The following KCNIP4 variants were observed in gnomAD, a reference collection of about 807,000 sequenced individuals.
KCNIP4 encodes potassium voltage-gated channel interacting protein 4.
Under a neutral mutation model 34.0 loss-of-function variants are expected in KCNIP4, and 12 were observed. The ratio of observed to expected loss-of-function variants is 0.35; its 90% CI spans 0.23 to 0.57. The LOEUF is 0.57. Ranked by LOEUF, KCNIP4 falls within the 20% of genes least tolerant of loss-of-function variation. The pLI is 0.83. For synonymous variants in KCNIP4, 124 were observed against 102.2 expected, an observed-to-expected ratio of 1.21 and a Z score of -1.29; for missense variants, 238 against 311.7, an observed-to-expected ratio of 0.76 and a Z score of 1.78.
rs573587345 is a variant in KCNIP4 at position 21,602,230 on chromosome 4, A to G, written c.61+346341T>C. ...ACCCCAAACAGCATTGATCACATCT[A>G]GGTTTGCCTTGCTCCATGTCTCATT... On this transcript the variant is annotated intron_variant, in intron 1 of 8. Coordinates refer to ENST00000382152, the MANE Select transcript of KCNIP4 (RefSeq NM_025221.6). Among the ~76,000 whole-genome samples, 125 of 152,216 alleles carry G rather than the reference A, an allele frequency of 8.2e-4. 1 individual carries two copies. The highest frequency in any genetic ancestry group is 3.4e-3 in the Middle Eastern group (1 of 294).
chr4:21,636,040 C>G (rs1399092388), intron 1 of KCNIP4, among the ~76,000 whole-genome samples: 1 of 148,120 alleles, frequency 6.8e-6, no homozygotes, highest in Non-Finnish European at 1.5e-5. Context: ...ATCACAAGAA[C>G]AAAAAACCAA....
At chr4:21,795,532 T>G (rs1444707787) in intron 1 of KCNIP4, among the ~76,000 whole-genome samples, 1 of 152,084 alleles carries the variant, frequency 6.6e-6, no homozygotes, top group Non-Finnish European at 1.5e-5. Flanking sequence ...AACAAATAGG[T>G]CACCAAGGAT....
At position 21,554,780 on chromosome 4, in the gene KCNIP4, C is replaced by A. The variant is rs193089800; in HGVS notation, c.61+393791G>T. Among the ~76,000 whole-genome samples, 428 of 152,216 alleles carry A rather than the reference C, an allele frequency of 2.8e-3. 1 individual carries two copies. Among genetic ancestry groups the A allele is most frequent in the Non-Finnish European group, 5.2e-3 (354 of 68,024 alleles). ...GCCTACTTTCTCCTATCATTACCAT[C>A]TGTTTACAAGCCTTCCTCCTTTTCT... On this transcript the variant is annotated intron_variant, in intron 1 of 8. Transcript: ENST00000382152.
At chr4:21,601,912 G>GT (rs1560551976) in intron 1 of KCNIP4, among the ~76,000 whole-genome samples, 1 of 152,048 alleles carries the variant, frequency 6.6e-6, no homozygotes, top group Non-Finnish European at 1.5e-5. Flanking sequence ...AACGCTAAGT[G>GT]TCCTCCCCAT....
intron 3 of KCNIP4, among the ~76,000 whole-genome samples, chr4:20,817,360 T>G (rs1190638341): frequency 6.6e-6 from 1 of 152,194 alleles, no homozygotes; most frequent in Non-Finnish European, 1.5e-5. Context: ...CCTTTTCAGT[T>G]GCTGGTTGGC....
At chr4:21,056,904 G>A (rs984432859) in intron 1 of KCNIP4, among the ~76,000 whole-genome samples, 1 of 152,138 alleles carries the variant, frequency 6.6e-6, no homozygotes, top group African/African-American at 2.4e-5. Flanking sequence ...TCCCTTATGA[G>A]AAGAGAACAG....
intron 3 of KCNIP4, among the ~76,000 whole-genome samples, chr4:20,802,959 C>T (rs1222023990): frequency 1.3e-5 from 2 of 151,448 alleles, no homozygotes; most frequent in Admixed American, 6.6e-5. Flanking sequence ...CCTGTAGTCC[C>T]AGCTGCTCAG....
chr4:21,711,175 A>G (rs952662514), intron 1 of KCNIP4, among the ~76,000 whole-genome samples: 9 of 152,118 alleles, frequency 5.9e-5, no homozygotes, highest in African/African-American at 2.2e-4. Flanking sequence ...AAAAGATGCT[A>G]TAAGAAAAAG....
At chr4:20,843,637 G>A (rs992697859) in intron 3 of KCNIP4, among the ~76,000 whole-genome samples, 2 of 152,176 alleles carry the variant, frequency 1.3e-5, no homozygotes, top group East Asian at 3.9e-4. Context: ...GGCTGAGGCA[G>A]AAGAGTCCCT....
intron 1 of KCNIP4, among the ~76,000 whole-genome samples, chr4:21,821,327 A>G (rs748920862): frequency 3.3e-5 from 5 of 152,114 alleles, no homozygotes; most frequent in Non-Finnish European, 5.9e-5. Flanking sequence ...TGTAGGTGCC[A>G]TTGAGGCCCA....
intron 1 of KCNIP4, among the ~76,000 whole-genome samples, chr4:21,376,205 TA>T (rs1185671023): frequency 6.6e-6 from 1 of 152,194 alleles, no homozygotes; most frequent in East Asian, 1.9e-4. Flanking sequence ...AAAAGGAATT[TA>T]AAAAGATAAC....
intron 1 of KCNIP4, among the ~76,000 whole-genome samples, chr4:21,268,360 C>T (rs928129879): frequency 6.6e-6 from 1 of 152,190 alleles, no homozygotes; most frequent in Admixed American, 6.5e-5. Context: ...AACTGAAGCA[C>T]AGAGGCCTTT....
chr4:20,933,820 C>T (rs1051795453), intron 1 of KCNIP4, among the ~76,000 whole-genome samples: 1 of 151,996 alleles, frequency 6.6e-6, no homozygotes, highest in Non-Finnish European at 1.5e-5. Context: ...GGTGGCTACC[C>T]GTTCTGGTTT....
chr4:21,581,075 T>C (rs1741166347), intron 1 of KCNIP4, among the ~76,000 whole-genome samples: 1 of 152,090 alleles, frequency 6.6e-6, no homozygotes, highest in South Asian at 2.1e-4. Context: ...ACATTAAGTA[T>C]AGCCTTGCAA....
Position 21,212,925 on chromosome 4 carries a change from A to T in KCNIP4, c.62-330216T>A, listed in dbSNP as rs532871090. Among the ~76,000 whole-genome samples the T allele has an allele frequency of 1.1e-3, 158 of 149,692 alleles. 3 individuals are homozygous for T. Among genetic ancestry groups the T allele is most frequent in the South Asian group, 7.5e-3 (36 of 4,800 alleles). On this transcript the variant is annotated intron_variant, in intron 1 of 8. Coordinates refer to ENST00000382152, the MANE Select transcript of KCNIP4 (RefSeq NM_025221.6). ...TAAGGCATAGATATGCATATAGCACATAAACAAATATACAGTATACATGGG... is the reference window on the plus strand; with the variant it reads ...TAAGGCATAGATATGCATATAGCACTTAAACAAATATACAGTATACATGGG...
At chr4:21,377,920 T>A (rs1467055109) in intron 1 of KCNIP4, among the ~76,000 whole-genome samples, 1 of 152,206 alleles carries the variant, frequency 6.6e-6, no homozygotes, top group Non-Finnish European at 1.5e-5. Context: ...TCGAGGTTGA[T>A]CAGGTGGTGT....
chr4:21,681,836 G>A (rs574427365), intron 1 of KCNIP4, among the ~76,000 whole-genome samples: 3 of 152,034 alleles, frequency 2.0e-5, no homozygotes, highest in Non-Finnish European at 4.4e-5. Context: ...CAGAGCAAAA[G>A]CAGAAGTAAG....
At chr4:21,845,687 C>T (rs1204479160) in intron 1 of KCNIP4, 1 of 152,016 alleles carries the variant, frequency 6.6e-6, no homozygotes, top group South Asian at 2.1e-4. Context: ...AAACTTAACC[C>T]TTTCGATTCG....
intron 1 of KCNIP4, chr4:21,582,273 C>G (rs1182952763): frequency 6.6e-6 from 1 of 151,926 alleles, no homozygotes; most frequent in African/African-American, 2.4e-5. Context: ...AACATTAATG[C>G]TCTGCTACTC....
Sources: gnomAD v4.1 joint callset for allele counts (sites outside exome capture counted in the v4.1 genomes callset) on GRCh38, gnomAD v4.1.1 for gene constraint, MANE v1.5 for transcripts, NCBI Gene and HGNC (gene_info 2026-07-23, HGNC 2026-07-21) for gene names.